The following RIMBP2 variants were observed in gnomAD, a reference collection of about 807,000 sequenced individuals.
The protein encoded by RIMBP2 is RIMS binding protein 2.
A neutral mutation model predicts 118.6 loss-of-function variants in RIMBP2; 48 were observed. That is an observed-to-expected ratio of 0.40 (90% CI 0.32 to 0.51). The LOEUF (loss-of-function observed/expected upper bound fraction) is 0.51. RIMBP2 is among the 20% of genes least tolerant of loss of function. The probability of loss-of-function intolerance (pLI) is 0.41; values close to 1 mark genes in which losing one functional copy is unlikely to be tolerated. For missense variants in RIMBP2, 1,551 were observed against 1,768.3 expected (o/e 0.88, Z 2.20); for synonymous variants, 762 against 742.9 (o/e 1.03, Z -0.42).
chr12:130,456,716 A>G lies in RIMBP2; in HGVS notation c.154-16T>C. The G allele has an allele frequency of 6.3e-7, 1 of 1,588,498 alleles. No homozygotes were observed. The highest frequency in any genetic ancestry group is 8.6e-7 in the Non-Finnish European group (1 of 1,162,606). On this transcript the variant is annotated splice_polypyrimidine_tract_variant and intron_variant, in intron 6 of 22. Transcript: ENST00000690449. ...GAACCTTGGACTGCACGGCAGAAGC[A>G]GGACAGGGGGTCAGCGGTGGCATTT...
intron 4 of RIMBP2, among the ~76,000 whole-genome samples, chr12:130,502,811 T>C (rs1446165672): frequency 1.3e-5 from 2 of 152,202 alleles, no homozygotes; most frequent in Non-Finnish European, 2.9e-5. Flanking sequence ...TCAATCCTTG[T>C]GAATGAATGA....
Position 130,414,368 on chromosome 12 carries a change from G to T in RIMBP2, c.3239-62C>A, listed in dbSNP as rs755106129. The T allele has an allele frequency of 2.0e-6, 3 of 1,481,182 alleles. No individual in the cohort carries two copies. The East Asian group carries it at 6.9e-5, about 34-fold the overall frequency. The allele number at this position is 1,481,182 out of a possible 1,614,324, so 91.8% of individuals were successfully genotyped here. On this transcript the variant is annotated intron_variant, in intron 17 of 22. Coordinates refer to ENST00000690449, the MANE Select transcript of RIMBP2 (RefSeq NM_001393629.1). The stretch of plus-strand genomic sequence containing the variant: ...GAGCCTAACTGAGGAGCGTGCACGG[G>T]AAATGCAGCTTTGGAAAGCAGTGAG...
chr12:130,683,664 A>C lies in RIMBP2; in HGVS notation c.-352+32558T>G, dbSNP rs1236913168. Reference sequence around the variant, plus strand: ...GCAGTAAACAAGCCGGCCAAATCCCACCAAAACCAAGATGACCACAAGAGT... The same window carrying C: ...GCAGTAAACAAGCCGGCCAAATCCCCCCAAAACCAAGATGACCACAAGAGT... On this transcript the variant is annotated intron_variant, in intron 1 of 22. Coordinates refer to ENST00000690449, the MANE Select transcript of RIMBP2 (RefSeq NM_001393629.1). The surrounding 1 kb of genome is among the most constrained non-coding windows in gnomAD (Gnocchi z 4.4). 3.3e-5 allele frequency among the ~76,000 whole-genome samples: 5 copies of C among 152,242 alleles called. No homozygotes were observed. In the East Asian group the frequency reaches 9.7e-4, roughly 29 times the overall value.
intron 4 of RIMBP2, among the ~76,000 whole-genome samples, chr12:130,502,218 G>C (rs1008394415): frequency 6.6e-6 from 1 of 152,140 alleles, no homozygotes; most frequent in Non-Finnish European, 1.5e-5. Flanking sequence ...AGTCCAGTCC[G>C]GTCAAGCTGA....
chr12:130,595,587 TA>T (rs1436867160), intron 2 of RIMBP2, among the ~76,000 whole-genome samples: 3 of 151,872 alleles, frequency 2.0e-5, no homozygotes, highest in Non-Finnish European at 4.4e-5. Flanking sequence ...AAAATAAAAA[TA>T]AAAAACTTCA....
chr12:130,631,987 A>G (rs758835471), intron 1 of RIMBP2, among the ~76,000 whole-genome samples: 23 of 152,256 alleles, frequency 1.5e-4, no homozygotes, highest in Non-Finnish European at 2.4e-4. Context: ...CTTACTTGAT[A>G]TGCCCATGTC....
intron 2 of RIMBP2, among the ~76,000 whole-genome samples, chr12:130,609,827 C>T (rs1189003113): frequency 1.3e-5 from 2 of 152,160 alleles, no homozygotes; most frequent in African/African-American, 4.8e-5. Context: ...AGGTCTGAGA[C>T]CCAGGAGCTT....
At position 130,648,618 on chromosome 12, in the gene RIMBP2, A is replaced by G. The variant is rs2063090088; in HGVS notation, c.-351-20162T>C. Among the ~76,000 whole-genome samples the G allele has an allele frequency of 2.1e-5, 3 of 144,516 alleles. No individual in the cohort carries two copies. The South Asian group carries it at 6.4e-4, about 31-fold the overall frequency. 94.8% of individuals were successfully genotyped at this position (144,516 alleles called of 152,430 possible). The stretch of plus-strand genomic sequence containing the variant: ...TTCTACAATAAATATATGTTACTCC[A>G]TTAATCATAATCAAGTTAAAAACTA... On this transcript the variant is annotated intron_variant, in intron 1 of 22. Coordinates refer to ENST00000690449, the MANE Select transcript of RIMBP2 (RefSeq NM_001393629.1).
intron 2 of RIMBP2, among the ~76,000 whole-genome samples, chr12:130,573,904 T>C (rs2057893695): frequency 6.6e-6 from 1 of 151,968 alleles, no homozygotes; most frequent in South Asian, 2.1e-4. Flanking sequence ...CTTTCCAGCC[T>C]CCACCCACAT....
At chr12:130,633,158 C>A (rs573613118) in intron 1 of RIMBP2, among the ~76,000 whole-genome samples, 1 of 152,204 alleles carries the variant, frequency 6.6e-6, no homozygotes, top group Admixed American at 6.5e-5. Context: ...CAACTAACAG[C>A]GGACCTACAT....
At chr12:130,498,837 G>A (rs193021945) in intron 4 of RIMBP2, among the ~76,000 whole-genome samples, 2,562 of 152,254 alleles carry the variant, frequency 0.017, 31 homozygotes, top group Non-Finnish European at 0.024. Context: ...GAGGCCCCAC[G>A]TGAGAACCAT....
At chr12:130,502,513 CCT>C (rs1484455295) in intron 4 of RIMBP2, among the ~76,000 whole-genome samples, 3 of 152,066 alleles carry the variant, frequency 2.0e-5, no homozygotes, top group African/African-American at 7.2e-5. Context: ...CTGCACTCCC[CCT>C]GCCTGGAATG....
chr12:130,530,863 T>C (rs2053299446), intron 2 of RIMBP2, among the ~76,000 whole-genome samples: 1 of 152,210 alleles, frequency 6.6e-6, no homozygotes, highest in South Asian at 2.1e-4. Context: ...CATTCAGTTA[T>C]ATGAGCAACT....
chr12:130,607,968 C>A (rs2060286738), intron 2 of RIMBP2, among the ~76,000 whole-genome samples: 1 of 152,142 alleles, frequency 6.6e-6, no homozygotes, highest in Admixed American at 6.5e-5. Flanking sequence ...GGTTCCCCTG[C>A]AAAAGGACCT....
intron 4 of RIMBP2, among the ~76,000 whole-genome samples, chr12:130,492,155 G>A (rs1442587512): frequency 6.6e-6 from 1 of 152,200 alleles, no homozygotes. Context: ...TAGAAATAAT[G>A]AAGCATTTAT....
chr12:130,443,898 T>C (rs1231797978), intron 10 of RIMBP2, among the ~76,000 whole-genome samples: 1 of 152,236 alleles, frequency 6.6e-6, no homozygotes, highest in Non-Finnish European at 1.5e-5. Flanking sequence ...TCGTATCTAT[T>C]ATCTCATTTC....
At chr12:130,687,259 C>T (rs529715550) in intron 1 of RIMBP2, among the ~76,000 whole-genome samples, 50 of 152,284 alleles carry the variant, frequency 3.3e-4, no homozygotes, top group Middle Eastern at 3.4e-3. Flanking sequence ...GTGAGTATCG[C>T]TGTCTATAAG....
At chr12:130,580,122 C>G (rs912380822) in intron 2 of RIMBP2, among the ~76,000 whole-genome samples, 1 of 151,468 alleles carries the variant, frequency 6.6e-6, no homozygotes, top group Non-Finnish European at 1.5e-5. Flanking sequence ...CACTTGAACC[C>G]GGGAGACAGA....
chr12:130,450,232 C>A lies in RIMBP2; in HGVS notation c.549G>T (p.Ser183=), dbSNP rs141581543. ...RNSNTSKQRY[S]GKVHLCVARY... Reference sequence around the variant, plus strand: ...GGGCAACACAGAGGTGGACCTTCCCCGAGTATCTCTGCTTGGAGGTATTGG... The same window carrying A: ...GGGCAACACAGAGGTGGACCTTCCCAGAGTATCTCTGCTTGGAGGTATTGG... The change falls in exon 9 of 23, where the codon TCG becomes TCT. Residue 183 remains serine (S), a synonymous_variant. Transcript: ENST00000690449. The surrounding 1 kb of genome is among the most constrained non-coding windows in gnomAD (Gnocchi z 4.8). 1 of 1,609,512 alleles carries A rather than the reference C, an allele frequency of 6.2e-7. No individual in the cohort carries two copies. Among genetic ancestry groups the A allele is most frequent in the East Asian group, 2.2e-5 (1 of 44,694 alleles).
Sources: gnomAD v4.1 joint callset for allele counts (sites outside exome capture counted in the v4.1 genomes callset) on GRCh38, gnomAD v4.1.1 for gene constraint, Gnocchi (gnomAD v3.1) non-coding constraint, MANE v1.5 for transcripts, NCBI Gene and HGNC (gene_info 2026-07-23, HGNC 2026-07-21) for gene names.